The following GABRG3 variants were observed in gnomAD, a reference collection of about 807,000 sequenced individuals.
The protein encoded by GABRG3 is gamma-aminobutyric acid receptor subunit gamma-3.
In GABRG3, 25 loss-of-function variants were observed where a neutral mutation model predicts 48.8. The observed-to-expected ratio is 0.51, with a 90% CI of 0.37 to 0.72. GABRG3 has a LOEUF of 0.72. Among genes scored for constraint, GABRG3 ranks in the 30% least tolerant of loss-of-function variants. The pLI is 0.00. For synonymous variants in GABRG3, 227 were observed against 217.6 expected, an observed-to-expected ratio of 1.04 and a Z score of -0.38; for missense variants, 394 against 577.9, an observed-to-expected ratio of 0.68 and a Z score of 3.26.
chr15:27,007,817 T>C (rs985825925), intron 2 of GABRG3, among the ~76,000 whole-genome samples: 2 of 152,228 alleles, frequency 1.3e-5, no homozygotes, highest in East Asian at 3.8e-4. Flanking sequence ...TGGACTTTTA[T>C]TGGATGCATA....
chr15:27,006,750 T>C (rs917619353), intron 2 of GABRG3, among the ~76,000 whole-genome samples: 1 of 152,348 alleles, frequency 6.6e-6, no homozygotes, highest in Admixed American at 6.5e-5. Context: ...AGTGAGAACA[T>C]GCAGTATTTG....
chr15:27,312,804 A>G (rs1190753906), intron 3 of GABRG3, among the ~76,000 whole-genome samples: 1 of 152,042 alleles, frequency 6.6e-6, no homozygotes, highest in Non-Finnish European at 1.5e-5. Context: ...AAGACACTAA[A>G]CAGCAACATT....
rs1230817571 is a variant in GABRG3, at chr15:27,076,318, C to CTT, written c.270+49519_270+49520dup. ...TTGCTGATGACATTGAGCCAACTGT[C>CTT]TTTTTTTTTTTTTTTTTTTTTTTGA... is the stretch of plus-strand genomic sequence containing the variant. On this transcript the variant is annotated intron_variant, in intron 3 of 9. Coordinates refer to ENST00000615808, the MANE Select transcript of GABRG3 (RefSeq NM_033223.5). Among the ~76,000 whole-genome samples the CTT allele has an allele frequency of 8.2e-3, 876 of 106,296 alleles. 2 individuals carry two copies. The highest frequency in any genetic ancestry group is 9.7e-3 in the East Asian group (35 of 3,602). The allele number at this position is 106,296 out of a possible 152,430, so 69.7% of individuals were successfully genotyped here. A position where few individuals can be genotyped will look rare whatever the true frequency, so the allele number is the denominator to read the frequency against.
At chr15:27,415,286 A>G (rs770256929) in intron 5 of GABRG3, among the ~76,000 whole-genome samples, 1 of 152,056 alleles carries the variant, frequency 6.6e-6, no homozygotes, top group Non-Finnish European at 1.5e-5. Context: ...CCTCAAGCTC[A>G]GAGATGTTTC....
chr15:27,006,420 C>T (rs533184135), intron 2 of GABRG3, among the ~76,000 whole-genome samples: 1 of 152,278 alleles, frequency 6.6e-6, no homozygotes, highest in South Asian at 2.1e-4. Flanking sequence ...AGGCTGGTCT[C>T]AAACTCTTGG....
At position 27,180,758 on chromosome 15, in the gene GABRG3, C is replaced by T. The variant is rs1286147216; in HGVS notation, c.271-146051C>T. Among the ~76,000 whole-genome samples, 1 of 152,146 alleles carries T rather than the reference C, an allele frequency of 6.6e-6. No homozygotes were observed. Among genetic ancestry groups the T allele is most frequent in the East Asian group, 1.9e-4 (1 of 5,186 alleles). On this transcript the variant is annotated intron_variant, in intron 3 of 9. Coordinates refer to ENST00000615808, the MANE Select transcript of GABRG3 (RefSeq NM_033223.5). This position sits in a 1 kb window ranked among gnomAD's most constrained non-coding sequence, Gnocchi z 4.2. ...TTTACTAATTTCTACTTGATACCTC[C>T]TGGCCCTAAATCCACTGACTAATGC...
chr15:27,114,158 G>C (rs1326150819), intron 3 of GABRG3, among the ~76,000 whole-genome samples: 2 of 152,160 alleles, frequency 1.3e-5, no homozygotes, highest in Non-Finnish European at 2.9e-5. Context: ...CTCTAGGCTT[G>C]TCTCGTACAT....
chr15:27,516,673 A>C (rs1363790465), intron 6 of GABRG3, among the ~76,000 whole-genome samples: 3 of 152,240 alleles, frequency 2.0e-5, no homozygotes, highest in Non-Finnish European at 4.4e-5. Flanking sequence ...AATCACTGAG[A>C]GCAAATAAAT....
chr15:27,304,836 A>G (rs1566766134), intron 3 of GABRG3, among the ~76,000 whole-genome samples: 1 of 151,948 alleles, frequency 6.6e-6, no homozygotes, highest in Non-Finnish European at 1.5e-5. Context: ...AGGGACTATT[A>G]TTCTGTCTAC....
At chr15:27,375,790 G>T (rs938511331) in intron 5 of GABRG3, among the ~76,000 whole-genome samples, 1 of 152,148 alleles carries the variant, frequency 6.6e-6, no homozygotes, top group African/African-American at 2.4e-5. Context: ...AATTCAGAAT[G>T]AGATTTGGGT....
intron 5 of GABRG3, among the ~76,000 whole-genome samples, chr15:27,386,649 T>G (rs1795511964): frequency 6.6e-6 from 1 of 152,180 alleles, no homozygotes; most frequent in Non-Finnish European, 1.5e-5. Flanking sequence ...AGGCCCTGCT[T>G]TCCAGGGCAG....
intron 5 of GABRG3, among the ~76,000 whole-genome samples, chr15:27,395,437 T>C (rs973409701): frequency 2.6e-5 from 4 of 152,152 alleles, no homozygotes; most frequent in Non-Finnish European, 4.4e-5. Flanking sequence ...TCTAAAACAA[T>C]TTTGGAAAAA....
intron 3 of GABRG3, among the ~76,000 whole-genome samples, chr15:27,163,373 T>C (rs1455813850): frequency 6.6e-6 from 1 of 152,044 alleles, no homozygotes; most frequent in Admixed American, 6.5e-5. Flanking sequence ...GCCCAGCTAA[T>C]TTTCCTATTT....
In GABRG3 at chr15:27,516,494, G is replaced by A. The variant is rs1339183268; in HGVS notation, c.713-3478G>A. 2.6e-5 allele frequency among the ~76,000 whole-genome samples: 4 copies of A among 152,282 alleles called. No individual in the cohort carries two copies. The East Asian group carries it at 7.7e-4, about 29-fold the overall frequency. On this transcript the variant is annotated intron_variant, in intron 6 of 9. Transcript: ENST00000615808. ...GCTCCTCCTTCCACAGCCAGCCTGG[G>A]AGCTGCCATGTTCTTACCTGAACCT... is the stretch of plus-strand genomic sequence containing the variant.
intron 3 of GABRG3, among the ~76,000 whole-genome samples, chr15:27,241,641 T>C (rs1002773383): frequency 7.2e-5 from 11 of 152,228 alleles, no homozygotes; most frequent in African/African-American, 2.4e-4. Context: ...TTTAAATGTT[T>C]CTCTTTCATG....
In GABRG3 at chr15:27,348,503, G is replaced by A. The variant is rs534365293; in HGVS notation, c.574+19615G>A. On this transcript the variant is annotated intron_variant, in intron 5 of 9. Transcript: ENST00000615808. ...TGATTCTCTTCATTTTTTCAGATAG[G>A]GATACTGAGGTTCAGGGTACATAAG... is the stretch of plus-strand genomic sequence containing the variant. Among the ~76,000 whole-genome samples, 44 of 152,148 alleles carry A rather than the reference G, an allele frequency of 2.9e-4. 1 individual carries two copies. Among genetic ancestry groups the A allele is most frequent in the African/African-American group, 1.0e-3 (42 of 41,488 alleles).
intron 2 of GABRG3, among the ~76,000 whole-genome samples, chr15:27,017,471 T>A (rs1239329807): frequency 6.6e-6 from 1 of 152,184 alleles, no homozygotes. Context: ...ACAAACCCTG[T>A]TCATTGCCTC....
intron 3 of GABRG3, among the ~76,000 whole-genome samples, chr15:27,263,981 G>A (rs1352148728): frequency 1.3e-5 from 2 of 151,966 alleles, no homozygotes; most frequent in Non-Finnish European, 2.9e-5. Flanking sequence ...AGAAGCACAG[G>A]ATGCTTTGAG....
At chr15:27,069,266 T>C (rs997905964) in intron 3 of GABRG3, among the ~76,000 whole-genome samples, 9 of 152,168 alleles carry the variant, frequency 5.9e-5, no homozygotes, top group Non-Finnish European at 1.0e-4. Context: ...AAGTATAATT[T>C]TGGGATTAGA....
Sources: gnomAD v4.1 joint callset for allele counts (sites outside exome capture counted in the v4.1 genomes callset) on GRCh38, gnomAD v4.1.1 for gene constraint, Gnocchi (gnomAD v3.1) non-coding constraint, MANE v1.5 for transcripts, NCBI Gene and HGNC (gene_info 2026-07-23, HGNC 2026-07-21) for gene names.